The following OPN3 variants were observed in gnomAD, a reference collection of about 807,000 sequenced individuals.
OPN3 encodes opsin-3.
In OPN3, 29 loss-of-function variants were observed where a neutral mutation model predicts 33.8. The ratio of observed to expected loss-of-function variants is 0.86; its 90% confidence interval spans 0.64 to 1.17. The LOEUF (loss-of-function observed/expected upper bound fraction) is 1.17, where lower values mean the gene tolerates loss of function less well. Among genes scored for constraint, OPN3 ranks in the 50% most tolerant of loss-of-function variants. The pLI, the probability that OPN3 is intolerant of heterozygous loss-of-function variation, is 0.00. For missense variants in OPN3, 437 were observed against 514.1 expected, an observed-to-expected ratio of 0.85 and a Z score of 1.45; for synonymous variants, 216 against 216.1, an observed-to-expected ratio of 1.00 and a Z score of 0.00.
intron 1 of OPN3, among the ~76,000 whole-genome samples, chr1:241,618,975 T>TATAC (rs1230614236): frequency 2.0e-5 from 3 of 149,390 alleles, no homozygotes; most frequent in Non-Finnish European, 4.5e-5. Flanking sequence ...GGCTAGTTTA[T>TATAC]ATATATATAT....
chr1:241,634,881 T>C, intron 1 of OPN3: 1 of 1,610,036 alleles, frequency 6.2e-7, no homozygotes, highest in Non-Finnish European at 8.5e-7. Flanking sequence ...TTCATTAGCA[T>C]CCTCTTTTCA....
chr1:241,594,104 C>CA lies in OPN3; in HGVS notation c.*323dup, dbSNP rs1484501055. On this transcript the variant is annotated 3_prime_UTR_variant, in exon 4 of 4. Transcript: ENST00000366554. ...CAGTAAGGTATTTTCGAGAAAAATG[C>CA]ATTACGTGTTTTGGAAAATAGAGTA... The CA allele has an allele frequency of 4.9e-5, 13 of 264,538 alleles. No homozygotes were observed. The highest frequency in any genetic ancestry group is 3.0e-4 in the African/African-American group (13 of 42,764). 16.4% of individuals were successfully genotyped at this position (264,538 alleles called of 1,614,324 possible).
chr1:241,604,362 G>A lies in OPN3; in HGVS notation c.591C>T (p.Ala197=). The change falls in exon 2 of 4, where the codon GCC becomes GCT. Residue 197 remains alanine, a synonymous_variant. Transcript: ENST00000366554. ...GCTVDWKSKD[A]NDSSFVLFLF... ...AGAAAAGCACAAAGGAGGAATCGTT[G>A]GCATCCTTGGATTTCCAGTCCACAG... The A allele has an allele frequency of 6.2e-7, 1 of 1,614,146 alleles. No individual in the cohort carries two copies.
At chr1:241,636,353 AGCTTTT>A (rs1664897687) in intron 1 of OPN3, among the ~76,000 whole-genome samples, 2 of 152,254 alleles carry the variant, frequency 1.3e-5, no homozygotes. Context: ...CTCTAACTTT[AGCTTTT>A]AAGAAAACTA....
At chr1:241,616,035 C>A in intron 1 of OPN3, 1 of 450,508 alleles carries the variant, frequency 2.2e-6, no homozygotes, top group Non-Finnish European at 4.5e-6. Context: ...ACTCTCCTGT[C>A]ATGCCATGGG....
intron 3 of OPN3, 69 bp from the exon 4 acceptor site, chr1:241,594,760 G>A (rs574726565): frequency 6.5e-7 from 1 of 1,535,314 alleles, no homozygotes; most frequent in South Asian, 1.2e-5. Flanking sequence ...AACATTCGAG[G>A]AAATCAGTTG....
intron 1 of OPN3, chr1:241,633,452 CAAAGAT>C (rs887075986): frequency 2.4e-5 from 5 of 210,810 alleles, no homozygotes; most frequent in African/African-American, 1.2e-4. Flanking sequence ...GTTCTGTAGA[CAAAGAT>C]AAAATCTGAA....
intron 2 of OPN3, among the ~76,000 whole-genome samples, chr1:241,600,209 G>T (rs1484305208): frequency 6.6e-6 from 1 of 152,182 alleles, no homozygotes; most frequent in African/African-American, 2.4e-5. Flanking sequence ...TCCTCTTTGG[G>T]ATAAGGAGAA....
At chr1:241,611,088 G>C (rs991082468) in intron 1 of OPN3, among the ~76,000 whole-genome samples, 1 of 152,090 alleles carries the variant, frequency 6.6e-6, no homozygotes, top group Admixed American at 6.6e-5. Flanking sequence ...GGGCTCTGGA[G>C]GTTAAATATC....
intron 1 of OPN3, among the ~76,000 whole-genome samples, chr1:241,627,095 G>A (rs900072571): frequency 2.0e-5 from 3 of 152,052 alleles, no homozygotes; most frequent in Non-Finnish European, 4.4e-5. Context: ...AGAATCATAG[G>A]ACATCAGCAG....
At chr1:241,604,666 C>G in intron 1 of OPN3, 87 bp from the exon 2 acceptor site, 5 of 1,192,204 alleles carry the variant, frequency 4.2e-6, no homozygotes, top group Non-Finnish European at 5.9e-6. Context: ...CTGGAAATAC[C>G]TTACAGAGTA....
intron 2 of OPN3, among the ~76,000 whole-genome samples, chr1:241,599,374 G>T (rs1257183027): frequency 6.6e-6 from 1 of 151,776 alleles, no homozygotes; most frequent in African/African-American, 2.4e-5. Flanking sequence ...TAAAGTATTT[G>T]TATTTTTGTA....
At chr1:241,616,599 C>T (rs868031692) in intron 1 of OPN3, among the ~76,000 whole-genome samples, 11 of 151,458 alleles carry the variant, frequency 7.3e-5, no homozygotes, top group Admixed American at 4.6e-4. Context: ...ATTTTGGCAC[C>T]GAGAATAGTA....
Position 241,594,709 on chromosome 1 carries a change from A to G in OPN3, c.946-18T>C, listed in dbSNP as rs1663445692. ...CTTCGAAACTGGGCAGAGAAAAAAT[A>G]AAGTGGAATATTAAGTAAAAGTTGG... On this transcript the variant is annotated intron_variant, in intron 3 of 3. Coordinates refer to ENST00000366554, the MANE Select transcript of OPN3 (RefSeq NM_014322.3). The G allele has an allele frequency of 6.2e-7, 1 of 1,606,984 alleles. No homozygotes were observed. The highest frequency in any genetic ancestry group is 1.3e-5 in the African/African-American group (1 of 74,566).
intron 1 of OPN3, among the ~76,000 whole-genome samples, chr1:241,621,823 T>C (rs954595426): frequency 2.6e-5 from 4 of 152,150 alleles, no homozygotes; most frequent in African/African-American, 9.7e-5. Flanking sequence ...GGAAAGGTTT[T>C]CCCTTCTGGC....
intron 1 of OPN3, among the ~76,000 whole-genome samples, chr1:241,622,560 C>A (rs937395335): frequency 1.3e-5 from 2 of 152,206 alleles, no homozygotes; most frequent in Non-Finnish European, 2.9e-5. Flanking sequence ...TGCAGGAGTG[C>A]TGCCTGGTGA....
At chr1:241,598,596 C>A (rs1325872940) in intron 2 of OPN3, among the ~76,000 whole-genome samples, 2 of 152,324 alleles carry the variant, frequency 1.3e-5, no homozygotes, top group East Asian at 3.9e-4. Context: ...TTGCAGAGAA[C>A]AGCACTTGGT....
Position 241,640,233 on chromosome 1 carries a change from C to T in OPN3, c.22G>A (p.Gly8Ser), listed in dbSNP as rs1665071927. 11 of 1,315,776 alleles carry T rather than the reference C, an allele frequency of 8.4e-6. No homozygotes were observed. In the South Asian group the frequency reaches 2.1e-4, roughly 25 times the overall value. The allele number at this position is 1,315,776 out of a possible 1,614,324, so 81.5% of individuals were successfully genotyped here. The change falls in exon 1 of 4, where the codon GGC (glycine) becomes AGC (serine). Residue 8 changes from glycine (G) to serine (S), a missense_variant. Physicochemically the swap from Gly to Ser is moderately conservative, Grantham distance 56. Coordinates refer to ENST00000366554, the MANE Select transcript of OPN3 (RefSeq NM_014322.3). The part of the protein sequence containing the change: MYSGNRS[G>S]GHGYWDGGGA... ...CCGCCGTCCCAGTAGCCGTGGCCGC[C>T]GCTGCGGTTCCCCGAGTACATGGCC...
At chr1:241,609,084 A>G (rs1663913409) in intron 1 of OPN3, among the ~76,000 whole-genome samples, 1 of 152,248 alleles carries the variant, frequency 6.6e-6, no homozygotes, top group Non-Finnish European at 1.5e-5. Flanking sequence ...TAGACCTTTA[A>G]CTGATGTTGA....
Sources: allele counts gnomAD v4.1 joint callset (sites outside exome capture counted in the v4.1 genomes callset), GRCh38; gene constraint gnomAD v4.1.1; transcripts MANE v1.5; gene names NCBI Gene and HGNC (gene_info 2026-07-23, HGNC 2026-07-21).